Variants in SLC9A8 observed in about 807,000 individuals in gnomAD.
SLC9A8 encodes the protein sodium/hydrogen exchanger 8.
SLC9A8 carries 48 observed loss-of-function variants against 66.6 expected under a neutral mutation model. The ratio of observed to expected loss-of-function variants is 0.72; its 90% CI spans 0.57 to 0.92. The LOEUF (loss-of-function observed/expected upper bound fraction) is 0.92, where lower values mean the gene tolerates loss of function less well. Ranked by LOEUF, SLC9A8 falls within the 40% of genes least tolerant of loss-of-function variation. The pLI, the probability that SLC9A8 is intolerant of heterozygous loss-of-function variation, is 0.00. For synonymous variants in SLC9A8, 274 were observed against 282.6 expected, an observed-to-expected ratio of 0.97 and a Z score of 0.31; for missense variants, 599 against 747.3, an observed-to-expected ratio of 0.80 and a Z score of 2.31.
intron 3 of SLC9A8, among the ~76,000 whole-genome samples, chr20:49,836,180 T>A (rs1658094733): frequency 6.6e-6 from 1 of 152,230 alleles, no homozygotes; most frequent in Admixed American, 6.5e-5. Flanking sequence ...ATATGGTCTT[T>A]TGTGTCTGGC....
intron 10 of SLC9A8, among the ~76,000 whole-genome samples, chr20:49,865,543 T>C (rs957493045): frequency 2.6e-5 from 4 of 151,986 alleles, no homozygotes; most frequent in South Asian, 4.2e-4. Context: ...CTGCACCCCA[T>C]TGGAGGAGGG....
chr20:49,874,462 C>G (rs1406103519), intron 10 of SLC9A8, among the ~76,000 whole-genome samples: 1 of 152,076 alleles, frequency 6.6e-6, no homozygotes. Flanking sequence ...TGTACAGAAG[C>G]GGAAACTGAG....
intron 3 of SLC9A8, among the ~76,000 whole-genome samples, chr20:49,837,859 A>C (rs2087601643): frequency 6.6e-6 from 1 of 152,104 alleles, no homozygotes; most frequent in Non-Finnish European, 1.5e-5. Context: ...ATGAGCCACC[A>C]CGCCTGGTCG....
chr20:49,878,282 T>C (rs957110007), intron 12 of SLC9A8, among the ~76,000 whole-genome samples: 1 of 152,134 alleles, frequency 6.6e-6, no homozygotes, highest in Non-Finnish European at 1.5e-5. Context: ...GAAAGGACTT[T>C]TGCTTGTTTT....
chr20:49,819,157 C>G (rs894028809), intron 2 of SLC9A8, among the ~76,000 whole-genome samples: 14 of 152,268 alleles, frequency 9.2e-5, no homozygotes, highest in African/African-American at 3.4e-4. Context: ...TATTTACTTA[C>G]ACTAGATTAA....
intron 13 of SLC9A8, among the ~76,000 whole-genome samples, chr20:49,881,710 A>G (rs2089631074): frequency 6.6e-6 from 1 of 152,224 alleles, no homozygotes; most frequent in Non-Finnish European, 1.5e-5. Flanking sequence ...AGTTTGTCTC[A>G]GATTTCTCTT....
At chr20:49,833,459 C>CA (rs973576228) in intron 3 of SLC9A8, among the ~76,000 whole-genome samples, 2 of 151,894 alleles carry the variant, frequency 1.3e-5, no homozygotes, top group Non-Finnish European at 2.9e-5. Flanking sequence ...TTCTTGGTAA[C>CA]AAAAAAAATT....
chr20:49,845,860 A>G (rs1309147847), intron 5 of SLC9A8, among the ~76,000 whole-genome samples: 1 of 150,206 alleles, frequency 6.7e-6, no homozygotes, highest in South Asian at 2.1e-4. Flanking sequence ...TTTGAGATGG[A>G]GTCTCACTCT....
intron 2 of SLC9A8, among the ~76,000 whole-genome samples, chr20:49,820,007 A>G (rs1021714626): frequency 6.6e-6 from 1 of 152,132 alleles, no homozygotes; most frequent in Non-Finnish European, 1.5e-5. Flanking sequence ...ACATTTGTGT[A>G]TAGGCTTTTG....
At chr20:49,849,774 C>A in intron 6 of SLC9A8, 94 bp downstream of exon 6, 1 of 976,354 alleles carries the variant, frequency 1.0e-6, no homozygotes, top group Non-Finnish European at 1.6e-6. Flanking sequence ...CTTTGTGGGG[C>A]CTGGGTTTCA....
At position 49,892,041 on chromosome 20, in the gene SLC9A8, T is replaced by G. The variant is rs2090056331; in HGVS notation, c.*4105T>G. The G allele has an allele frequency of 1.3e-5, 2 of 151,428 alleles. No individual in the cohort carries two copies. Among genetic ancestry groups the G allele is most frequent in the Admixed American group, 1.3e-4 (2 of 15,226 alleles). 9.4% of individuals were successfully genotyped at this position (151,428 alleles called of 1,614,324 possible). On this transcript the variant is annotated 3_prime_UTR_variant, in exon 16 of 16. Coordinates refer to ENST00000361573, the MANE Select transcript of SLC9A8 (RefSeq NM_015266.3). Reference sequence around the variant, plus strand: ...AAGAGGCCCCTGTTAGGCCCCTGTTTCCTGAGCAGTGATGTGCTGCTCTTC... The same window carrying G: ...AAGAGGCCCCTGTTAGGCCCCTGTTGCCTGAGCAGTGATGTGCTGCTCTTC...
rs1287490715 is a variant in SLC9A8 at position 49,888,764 on chromosome 20, G to A, written c.*828G>A. 1 of 152,464 alleles carries A rather than the reference G, an allele frequency of 6.6e-6. No homozygotes were observed. The highest frequency in any genetic ancestry group is 1.5e-5 in the Non-Finnish European group (1 of 68,136). The allele number at this position is 152,464 out of a possible 1,614,324, so 9.4% of individuals were successfully genotyped here. On this transcript the variant is annotated 3_prime_UTR_variant, in exon 16 of 16. Transcript: ENST00000361573. ...TACAGCAAAGTGCTGAGAGCCTCTA[G>A]TCGCCTCCTGCCATCTGATCTCCCT...
At chr20:49,852,500 T>C (rs1008253678) in intron 7 of SLC9A8, among the ~76,000 whole-genome samples, 28 of 152,224 alleles carry the variant, frequency 1.8e-4, no homozygotes, top group African/African-American at 6.0e-4. Context: ...TCTAGTGATA[T>C]CTTGTTGGAG....
chr20:49,830,297 C>T (rs1223126078), intron 3 of SLC9A8: 11 of 1,147,696 alleles, frequency 9.6e-6, no homozygotes, highest in Non-Finnish European at 1.5e-5. Flanking sequence ...AAATGGGTCA[C>T]ACAGTGACTG....
intron 3 of SLC9A8, among the ~76,000 whole-genome samples, chr20:49,835,021 CTGA>C (rs1208954687): frequency 1.3e-5 from 2 of 152,292 alleles, no homozygotes; most frequent in East Asian, 3.9e-4. Context: ...ATGTTAACAT[CTGA>C]TGATTATCCA....
Position 49,828,935 on chromosome 20 carries a change from A to G in SLC9A8, c.289+5794A>G, listed in dbSNP as rs551407134. 2.8e-3 allele frequency among the ~76,000 whole-genome samples: 410 copies of G among 145,900 alleles called. 3 individuals carry two copies. Among genetic ancestry groups the G allele is most frequent in the Middle Eastern group, 0.011 (3 of 284 alleles). Reference sequence around the variant, plus strand: ...ACAGTATAGATGTGTGTGTGTGTGTATGTATGCATTTATTTCTTTTTAACA... The same window carrying G: ...ACAGTATAGATGTGTGTGTGTGTGTGTGTATGCATTTATTTCTTTTTAACA... On this transcript the variant is annotated intron_variant, in intron 3 of 15. Coordinates refer to ENST00000361573, the MANE Select transcript of SLC9A8 (RefSeq NM_015266.3).
At chr20:49,843,195 G>T (rs947224047) in intron 4 of SLC9A8, among the ~76,000 whole-genome samples, 2 of 151,868 alleles carry the variant, frequency 1.3e-5, no homozygotes, top group Non-Finnish European at 2.9e-5. Flanking sequence ...TTTTCCTGGG[G>T]TGGGGGGGGC....
intron 5 of SLC9A8, among the ~76,000 whole-genome samples, 184 bp from the exon 6 acceptor site, chr20:49,849,395 G>A (rs1347063669): frequency 2.6e-5 from 4 of 152,112 alleles, no homozygotes; most frequent in South Asian, 2.1e-4. Context: ...TGTGAGTGAC[G>A]GGACACTGCA....
Position 49,862,919 on chromosome 20 carries a change from C to T in SLC9A8, c.714-10C>T, listed in dbSNP as rs747745431. The T allele has an allele frequency of 2.5e-6, 4 of 1,593,448 alleles. No individual in the cohort carries two copies. In the South Asian group the frequency reaches 4.6e-5, roughly 18 times the overall value. On this transcript the variant is annotated splice_polypyrimidine_tract_variant and intron_variant, in intron 8 of 15. Coordinates refer to ENST00000361573, the MANE Select transcript of SLC9A8 (RefSeq NM_015266.3). ...ATTTTAATTTATTTCTGTTTTCTTT[C>T]ATTTCCTAGCACAGCTGAAGGTTTA... is the stretch of plus-strand genomic sequence containing the variant.
Sources: allele counts gnomAD v4.1 joint callset (sites outside exome capture counted in the v4.1 genomes callset), GRCh38; gene constraint gnomAD v4.1.1; transcripts MANE v1.5; gene names NCBI Gene and HGNC (gene_info 2026-07-23, HGNC 2026-07-21).